IMMP2L: variants seen among roughly 807,000 people sequenced by gnomAD.
The protein encoded by IMMP2L is inner mitochondrial membrane peptidase subunit 2, also known as mitochondrial inner membrane protease subunit 2.
A neutral mutation model predicts 19.3 loss-of-function variants in IMMP2L; 18 were observed. The ratio of observed to expected loss-of-function variants is 0.93; its 90% CI spans 0.64 to 1.38. The LOEUF (loss-of-function observed/expected upper bound fraction) is 1.38. Among genes scored for constraint, IMMP2L ranks in the 40% most tolerant of loss-of-function variants. The pLI, the probability that IMMP2L is intolerant of heterozygous loss-of-function variation, is 0.00. For synonymous variants in IMMP2L, 76 were observed against 73.0 expected, an observed-to-expected ratio of 1.04 and a Z score of -0.21; for missense variants, 233 against 218.2, an observed-to-expected ratio of 1.07 and a Z score of -0.43.
chr7:110,923,361 C>A (rs1376476595), intron 4 of IMMP2L, among the ~76,000 whole-genome samples: 1 of 152,158 alleles, frequency 6.6e-6, no homozygotes, highest in Non-Finnish European at 1.5e-5. Context: ...GATAGGGACA[C>A]TTACCCAGCA....
intron 3 of IMMP2L, among the ~76,000 whole-genome samples, chr7:111,126,936 G>C (rs1401952412): frequency 6.6e-6 from 1 of 152,118 alleles, no homozygotes; most frequent in Non-Finnish European, 1.5e-5. Flanking sequence ...CAGCACTGTA[G>C]TCATATCAAT....
chr7:110,796,099 C>G (rs1800845353), intron 5 of IMMP2L, among the ~76,000 whole-genome samples: 1 of 152,040 alleles, frequency 6.6e-6, no homozygotes, highest in Non-Finnish European at 1.5e-5. Flanking sequence ...TCATTTCTTC[C>G]TGCTGCCACC....
At chr7:110,800,029 G>C (rs1443013831) in intron 5 of IMMP2L, among the ~76,000 whole-genome samples, 1 of 152,006 alleles carries the variant, frequency 6.6e-6, no homozygotes, top group Admixed American at 6.6e-5. Flanking sequence ...AATATTAAAT[G>C]CATGTGTAAA....
intron 5 of IMMP2L, among the ~76,000 whole-genome samples, chr7:110,755,391 A>G (rs1797978998): frequency 6.6e-6 from 1 of 152,144 alleles, no homozygotes; most frequent in South Asian, 2.1e-4. Context: ...TATTTAAAAT[A>G]CTGTTTAAAA....
At chr7:111,532,238 TCTA>T (rs1314063843) in intron 1 of IMMP2L, among the ~76,000 whole-genome samples, 2 of 152,156 alleles carry the variant, frequency 1.3e-5, no homozygotes, top group African/African-American at 4.8e-5. Flanking sequence ...CTGTTCCTTA[TCTA>T]CTTTGCTACC....
intron 3 of IMMP2L, among the ~76,000 whole-genome samples, chr7:111,332,856 C>T (rs1826011694): frequency 6.6e-6 from 1 of 151,976 alleles, no homozygotes; most frequent in African/African-American, 2.4e-5. Flanking sequence ...ATTATTTAAG[C>T]ACTTTTTAAA....
At chr7:111,293,988 C>A (rs1290107185) in intron 3 of IMMP2L, among the ~76,000 whole-genome samples, 1 of 151,834 alleles carries the variant, frequency 6.6e-6, no homozygotes, top group Non-Finnish European at 1.5e-5. Context: ...CAGAGAAAGA[C>A]CATAAATAGT....
At chr7:111,225,505 G>A (rs934022787) in intron 3 of IMMP2L, among the ~76,000 whole-genome samples, 2 of 152,012 alleles carry the variant, frequency 1.3e-5, no homozygotes, top group East Asian at 1.9e-4. Flanking sequence ...GGATTTTGGA[G>A]TGAGAAAATA....
At chr7:111,214,916 C>T (rs1361437337) in intron 3 of IMMP2L, among the ~76,000 whole-genome samples, 2 of 152,104 alleles carry the variant, frequency 1.3e-5, no homozygotes, top group African/African-American at 4.8e-5. Context: ...TGATGAAATG[C>T]TTACATGTAT....
chr7:110,916,087 A>C (rs529381221), intron 4 of IMMP2L, among the ~76,000 whole-genome samples: 1 of 152,352 alleles, frequency 6.6e-6, no homozygotes, highest in African/African-American at 2.4e-5. Flanking sequence ...ATGGTTATGT[A>C]GAGTTTTTGG....
chr7:111,385,702 G>C (rs946585361), intron 3 of IMMP2L, among the ~76,000 whole-genome samples: 18 of 152,004 alleles, frequency 1.2e-4, no homozygotes. Flanking sequence ...GACAGAAAAT[G>C]AGCTGCCATA....
chr7:111,111,788 T>C (rs186247800), intron 3 of IMMP2L, among the ~76,000 whole-genome samples: 1 of 151,880 alleles, frequency 6.6e-6, no homozygotes, highest in East Asian at 1.9e-4. Flanking sequence ...GAGGCTTCTA[T>C]AAAGTTAAGT....
intron 4 of IMMP2L, among the ~76,000 whole-genome samples, chr7:110,944,930 T>C (rs1050626447): frequency 6.6e-6 from 1 of 151,942 alleles, no homozygotes; most frequent in Non-Finnish European, 1.5e-5. Flanking sequence ...TAAATAATGT[T>C]ATAATTAACT....
intron 3 of IMMP2L, among the ~76,000 whole-genome samples, chr7:111,064,713 GCCACCTGGACA>G (rs937743895): frequency 6.6e-6 from 1 of 152,172 alleles, no homozygotes; most frequent in Admixed American, 6.5e-5. Context: ...AGTTAAGGTT[GCCACCTGGACA>G]CCTTGGGCTC....
At chr7:110,833,055 C>T (rs77283783) in intron 5 of IMMP2L, among the ~76,000 whole-genome samples, 3,640 of 152,274 alleles carry the variant, frequency 0.024, 153 homozygotes, top group African/African-American at 0.084. Flanking sequence ...ATATTATGGC[C>T]TTGCTTCCTA....
chr7:110,813,125 G>C (rs1410920289), intron 5 of IMMP2L, among the ~76,000 whole-genome samples: 2 of 151,968 alleles, frequency 1.3e-5, no homozygotes, highest in Admixed American at 1.3e-4. Context: ...TTGTGAAAAA[G>C]TTGTCATAAA....
intron 3 of IMMP2L, among the ~76,000 whole-genome samples, chr7:110,981,708 T>G (rs1350406724): frequency 6.6e-6 from 1 of 152,146 alleles, no homozygotes; most frequent in Non-Finnish European, 1.5e-5. Context: ...ATATCTACCT[T>G]TTCAGCCCAC....
chr7:111,243,205 C>A (rs1453472259), intron 3 of IMMP2L, among the ~76,000 whole-genome samples: 2 of 152,076 alleles, frequency 1.3e-5, no homozygotes, highest in South Asian at 2.1e-4. Context: ...TCCCAAGATA[C>A]ATATTCTGAA....
At chr7:110,899,241 A>T (rs1314973396) in intron 4 of IMMP2L, among the ~76,000 whole-genome samples, 2 of 152,098 alleles carry the variant, frequency 1.3e-5, no homozygotes, top group African/African-American at 4.8e-5. Flanking sequence ...ACAAGAACCC[A>T]CTAGAATGTG....
Sources: gnomAD v4.1 joint callset for allele counts (sites outside exome capture counted in the v4.1 genomes callset) on GRCh38, gnomAD v4.1.1 for gene constraint, MANE v1.5 for transcripts, NCBI Gene and HGNC (gene_info 2026-07-23, HGNC 2026-07-21) for gene names.